Variants in EPB41 observed in about 807,000 individuals in gnomAD.
EPB41 encodes the protein erythrocyte membrane protein band 4.1, also known as protein 4.1.
In EPB41, 65 loss-of-function variants were observed where a neutral mutation model predicts 108.0. The observed-to-expected ratio is 0.60, with a 90% CI of 0.49 to 0.74. The LOEUF (loss-of-function observed/expected upper bound fraction) is 0.74. Ranked by LOEUF, EPB41 falls within the 30% of genes least tolerant of loss-of-function variation. The pLI, the probability that EPB41 is intolerant of heterozygous loss-of-function variation, is 0.00. For missense variants in EPB41, 875 were observed against 1,037.0 expected, an observed-to-expected ratio of 0.84 and a Z score of 2.15; for synonymous variants, 336 against 358.9, an observed-to-expected ratio of 0.94 and a Z score of 0.72.
intron 1 of EPB41, among the ~76,000 whole-genome samples, chr1:28,888,696 C>G (rs1278797856): frequency 1.3e-5 from 2 of 152,226 alleles, no homozygotes; most frequent in African/African-American, 4.8e-5. Flanking sequence ...GTCGCGATCT[C>G]GGCCCACTGC....
chr1:28,944,420 C>G (rs1251798851), intron 1 of EPB41, among the ~76,000 whole-genome samples: 1 of 151,988 alleles, frequency 6.6e-6, no homozygotes, highest in African/African-American at 2.4e-5. Flanking sequence ...ATACCGCATT[C>G]TCCATGATGT....
intron 18 of EPB41, 67 bp from the exon 19 acceptor site, chr1:29,112,301 T>C: frequency 2.2e-6 from 3 of 1,373,752 alleles, no homozygotes; most frequent in Non-Finnish European, 3.1e-6. Flanking sequence ...AAACCTGGCC[T>C]CTTTTTCTTT....
rs1660636408 is a variant in EPB41, at chr1:29,090,064, G to A, written c.2185-7743G>A. Among the ~76,000 whole-genome samples the A allele has an allele frequency of 2.0e-5, 3 of 152,162 alleles. No homozygotes were observed. In the South Asian group the frequency reaches 6.2e-4, roughly 32 times the overall value. ...AGATCACTTGAGGTAAGGAGTTCAAGACCAGCCTGGCCAACATGGTGAAAC... is the reference window on the plus strand; with the variant it reads ...AGATCACTTGAGGTAAGGAGTTCAAAACCAGCCTGGCCAACATGGTGAAAC... On this transcript the variant is annotated intron_variant, in intron 16 of 20. Coordinates refer to ENST00000343067, the MANE Select transcript of EPB41 (RefSeq NM_001376013.1).
At chr1:28,936,922 A>G (rs577612740) in intron 1 of EPB41, among the ~76,000 whole-genome samples, 38 of 152,330 alleles carry the variant, frequency 2.5e-4, no homozygotes, top group African/African-American at 8.7e-4. Flanking sequence ...TTTTGTGGAT[A>G]TGTAACTAGG....
intron 12 of EPB41, among the ~76,000 whole-genome samples, chr1:29,057,391 A>AAG (rs1553270986): frequency 2.8e-4 from 42 of 149,334 alleles, no homozygotes; most frequent in Admixed American, 5.3e-4. Flanking sequence ...AAAAAAAAAA[A>AAG]AAAAAGAAAA....
Position 28,961,328 on chromosome 1 carries a change from A to G in EPB41, c.-7-26103A>G, listed in dbSNP as rs148085727. Among the ~76,000 whole-genome samples the G allele has an allele frequency of 4.3e-3, 654 of 152,284 alleles. 4 individuals carry two copies. Among genetic ancestry groups the G allele is most frequent in the African/African-American group, 0.015 (628 of 41,570 alleles). On this transcript the variant is annotated intron_variant, in intron 1 of 20. Coordinates refer to ENST00000343067, the MANE Select transcript of EPB41 (RefSeq NM_001376013.1). The stretch of plus-strand genomic sequence containing the variant: ...TTTTAAGAAAAATCACCTTACATGA[A>G]TAAGGTGTTAAGTGCTCTCCGAGAG...
intron 1 of EPB41, among the ~76,000 whole-genome samples, chr1:28,951,421 G>A (rs903415502): frequency 1.3e-5 from 2 of 151,626 alleles, no homozygotes; most frequent in African/African-American, 4.8e-5. Context: ...TGGAGGAATT[G>A]GAGCAGGAGA....
intron 1 of EPB41, among the ~76,000 whole-genome samples, chr1:28,903,507 T>C (rs193065522): frequency 6.6e-6 from 1 of 151,970 alleles, no homozygotes; most frequent in Admixed American, 6.6e-5. Context: ...ATATTTTTAG[T>C]AGAGACAAGG....
In EPB41 at chr1:28,982,679, G is replaced by A. The variant is rs2095786213; in HGVS notation, c.-7-4752G>A. On this transcript the variant is annotated intron_variant, in intron 1 of 20. Coordinates refer to ENST00000343067, the MANE Select transcript of EPB41 (RefSeq NM_001376013.1). ...GTTTTTGATTGATCTTAAGACTTAGGTTGTTTGTCGTGGTATTTCAGATGA... is the reference window on the plus strand; with the variant it reads ...GTTTTTGATTGATCTTAAGACTTAGATTGTTTGTCGTGGTATTTCAGATGA... 4 of 703,422 alleles carry A rather than the reference G, an allele frequency of 5.7e-6. No homozygotes were observed. The East Asian group carries it at 8.1e-5, about 14-fold the overall frequency. 43.6% of individuals were successfully genotyped at this position (703,422 alleles called of 1,614,324 possible). A position where few individuals can be genotyped will look rare whatever the true frequency, so the allele number is the denominator to read the frequency against.
chr1:28,960,295 G>A (rs1256630627), intron 1 of EPB41, among the ~76,000 whole-genome samples: 2 of 151,910 alleles, frequency 1.3e-5, no homozygotes, highest in African/African-American at 2.4e-5. Context: ...ACAGGTGTGA[G>A]TCACTATATC....
At chr1:29,060,626 A>G (rs1456606955) in intron 15 of EPB41, 142 bp downstream of exon 15, 1 of 710,790 alleles carries the variant, frequency 1.4e-6, no homozygotes, top group Non-Finnish European at 2.5e-6. Flanking sequence ...ATGCTTTTGC[A>G]TGTTGGTGAA....
intron 10 of EPB41, 116 bp downstream of exon 10, chr1:29,036,039 T>TG (rs1339665309): frequency 3.9e-6 from 3 of 764,192 alleles, no homozygotes; most frequent in Non-Finnish European, 6.6e-6. Context: ...TTAGCTCAGG[T>TG]GAGATCATCT....
intron 7 of EPB41, among the ~76,000 whole-genome samples, chr1:29,026,521 C>A (rs748949392): frequency 1.6e-4 from 25 of 152,178 alleles, no homozygotes; most frequent in Non-Finnish European, 2.4e-4. Flanking sequence ...GAGGTTCCCA[C>A]TACCAAATCT....
At chr1:28,924,968 T>A (rs1348187574) in intron 1 of EPB41, among the ~76,000 whole-genome samples, 2 of 147,768 alleles carry the variant, frequency 1.4e-5, no homozygotes, top group Non-Finnish European at 1.5e-5. Flanking sequence ...GGCTAACTTT[T>A]TTTTTTTTTT....
intron 12 of EPB41, among the ~76,000 whole-genome samples, chr1:29,056,952 C>T (rs993444442): frequency 6.6e-6 from 1 of 152,150 alleles, no homozygotes; most frequent in African/African-American, 2.4e-5. Flanking sequence ...TAATTTAACA[C>T]TATTGTTTGC....
At chr1:28,988,033 C>T (rs2095908812) in intron 2 of EPB41, 128 bp downstream of exon 2, 2 of 955,318 alleles carry the variant, frequency 2.1e-6, no homozygotes, top group South Asian at 1.4e-5. Context: ...GAGGCCGAGG[C>T]AGGCGGATCA....
At position 29,062,450 on chromosome 1, in the gene EPB41, G is replaced by A. The variant is rs928987339; in HGVS notation, c.2007+1966G>A. On this transcript the variant is annotated intron_variant, in intron 15 of 20. Coordinates refer to ENST00000343067, the MANE Select transcript of EPB41 (RefSeq NM_001376013.1). ...TGAGAGGGGATTTCTAAATAAGTGTGTTTGGAAATTAAAACCACTAACTGC... is the reference window on the plus strand; with the variant it reads ...TGAGAGGGGATTTCTAAATAAGTGTATTTGGAAATTAAAACCACTAACTGC... 2.0e-5 allele frequency among the ~76,000 whole-genome samples: 3 copies of A among 152,128 alleles called. No homozygotes were observed. In the South Asian group the frequency reaches 6.2e-4, roughly 31 times the overall value.
intron 1 of EPB41, among the ~76,000 whole-genome samples, chr1:28,976,835 A>G (rs1320288627): frequency 1.3e-5 from 2 of 152,030 alleles, no homozygotes; most frequent in Non-Finnish European, 2.9e-5. Flanking sequence ...ATTGACATCT[A>G]TACTCCTCCC....
intron 5 of EPB41, among the ~76,000 whole-genome samples, chr1:29,015,179 A>G (rs2150009463): frequency 6.6e-6 from 1 of 152,334 alleles, no homozygotes; most frequent in South Asian, 2.1e-4. Context: ...ACAAATCCTT[A>G]AGTGATATCT....
Sources: allele counts gnomAD v4.1 joint callset (sites outside exome capture counted in the v4.1 genomes callset), GRCh38; gene constraint gnomAD v4.1.1; transcripts MANE v1.5; gene names NCBI Gene and HGNC (gene_info 2026-07-23, HGNC 2026-07-21).